Variants in NEB observed in about 807,000 individuals in gnomAD.
The protein encoded by NEB is nebulin, also known as nemaline myopathy type 2.
In NEB, 512 loss-of-function variants were observed where a neutral mutation model predicts 952.2. That is an observed-to-expected ratio of 0.54 (90% CI 0.50 to 0.58). The LOEUF is 0.58. Among genes scored for constraint, NEB ranks in the 20% least tolerant of loss-of-function variants. The pLI is 0.00. For missense variants in NEB, 8,428 were observed against 9,231.1 expected (o/e 0.91, Z 3.56); for synonymous variants, 2,900 against 3,149.8 (o/e 0.92, Z 2.66).
chr2:151,634,105 T>A lies in NEB; in HGVS notation c.9103-140A>T, dbSNP rs2098714615. 18 of 1,000,004 alleles carry A rather than the reference T, an allele frequency of 1.8e-5. No homozygotes were observed. In the South Asian group the frequency reaches 2.4e-4, roughly 13 times the overall value. The allele number at this position is 1,000,004 out of a possible 1,614,324, so 61.9% of individuals were successfully genotyped here. ...ACTCAAGCCAGTATCCTGGCTTTCA[T>A]CCTGGAAGCCCTTACAGAGGTAGAA... On this transcript the variant is annotated intron_variant, in intron 64 of 181. Transcript: ENST00000397345.
At chr2:151,698,027 T>C (rs1559380832) in intron 13 of NEB, among the ~76,000 whole-genome samples, 2 of 151,950 alleles carry the variant, frequency 1.3e-5, no homozygotes, top group East Asian at 1.9e-4. Context: ...GATGGCGCCA[T>C]TGCACTCCAG....
chr2:151,616,547 A>T (rs1340046067), intron 75 of NEB, among the ~76,000 whole-genome samples: 1 of 152,170 alleles, frequency 6.6e-6, no homozygotes, highest in African/African-American at 2.4e-5. Flanking sequence ...TACAATAATT[A>T]ACTGGGCATG....
At position 151,710,579 on chromosome 2, in the gene NEB, G is replaced by A. The variant is rs754270019; in HGVS notation, c.823-41C>T. The A allele has an allele frequency of 6.5e-6, 8 of 1,225,976 alleles. No individual in the cohort carries two copies. The South Asian group carries it at 1.2e-4, about 18-fold the overall frequency. The allele number at this position is 1,225,976 out of a possible 1,614,324, so 75.9% of individuals were successfully genotyped here. A position where few individuals can be genotyped will look rare whatever the true frequency, so the allele number is the denominator to read the frequency against. On this transcript the variant is annotated intron_variant, in intron 10 of 181. Transcript: ENST00000397345. ...AGAAAATAAGACAAGCATAACTCAT[G>A]AATTGACAAATAAGACAGCAAATTA...
intron 109 of NEB, 25 bp downstream of exon 109, chr2:151,570,056 T>C (rs1422264937): frequency 6.3e-7 from 1 of 1,581,376 alleles, no homozygotes. Flanking sequence ...AGAAAAGAGT[T>C]CAACCCCAAA....
chr2:151,493,996 C>T, intron 174 of NEB, 129 bp from the exon 175 acceptor site: 1 of 892,036 alleles, frequency 1.1e-6, no homozygotes, highest in South Asian at 1.7e-5. Flanking sequence ...AAGAAGAAAG[C>T]TTAAAAATAG....
intron 181 of NEB, 91 bp downstream of exon 181, chr2:151,489,879 TA>T (rs1013234237): frequency 3.0e-5 from 28 of 944,292 alleles, no homozygotes; most frequent in Admixed American, 1.0e-4. Context: ...AAGGTTTGGT[TA>T]AAAAAAACCG....
chr2:151,707,304 G>A (rs913710866), intron 12 of NEB, among the ~76,000 whole-genome samples: 1 of 152,156 alleles, frequency 6.6e-6, no homozygotes, highest in Admixed American at 6.5e-5. Context: ...GAGAGATACA[G>A]AAATAATAGG....
At chr2:151,687,034 A>T (rs999107847) in intron 27 of NEB, among the ~76,000 whole-genome samples, 3 of 152,212 alleles carry the variant, frequency 2.0e-5, no homozygotes, top group Non-Finnish European at 4.4e-5. Context: ...CTCTATTAAG[A>T]TTTTTGTGAC....
rs963050063 is a variant in NEB at position 151,558,432 on chromosome 2, C to T, written c.19314+2160G>A. 5.3e-5 allele frequency among the ~76,000 whole-genome samples: 8 copies of T among 152,148 alleles called. No individual in the cohort carries two copies. In the East Asian group the frequency reaches 1.5e-3, roughly 29 times the overall value. The stretch of plus-strand genomic sequence containing the variant: ...GAAGACTCAATATCGTGAAAATAGC[C>T]ATACTGCCCAAGGTAATCTATAGAT... On this transcript the variant is annotated intron_variant, in intron 124 of 181. Coordinates refer to ENST00000397345, the MANE Select transcript of NEB (RefSeq NM_001164508.2).
intron 47 of NEB, among the ~76,000 whole-genome samples, chr2:151,658,495 A>T (rs537470113): frequency 6.4e-4 from 96 of 150,198 alleles, no homozygotes; most frequent in African/African-American, 1.1e-3. Flanking sequence ...ATCTACAATT[A>T]AAAAAAAAGG....
In NEB at chr2:151,610,011, C is replaced by G; in HGVS notation, c.12128G>C (p.Ser4043Thr). Residue 4043 changes from serine (S) to threonine (T), a missense_variant, in exon 81 of 182, where the codon AGT (serine) becomes ACT (threonine). This residue lies in a region of NEB where 337 missense variants were observed against 297.5 expected (regional missense o/e 1.13). Coordinates refer to ENST00000397345, the MANE Select transcript of NEB (RefSeq NM_001164508.2). ...MCAIHAGKIQ[S>T]EREYKKEFQK... ...GAATTCCTTCTTGTACTCCCTTTCA[C>G]TTTGAATTTTTCCTGCATGTATGGC... 3.7e-6 allele frequency: 6 copies of G among 1,613,890 alleles called. No individual in the cohort carries two copies. The highest frequency in any genetic ancestry group is 5.1e-6 in the Non-Finnish European group (6 of 1,179,858).
intron 72 of NEB, among the ~76,000 whole-genome samples, 167 bp downstream of exon 72, chr2:151,620,752 C>G (rs561682763): frequency 2.6e-5 from 4 of 152,272 alleles, no homozygotes; most frequent in African/African-American, 9.6e-5. Context: ...CTAGGCTATG[C>G]CTCTGTGATG....
At position 151,643,914 on chromosome 2, in the gene NEB, G is replaced by T; in HGVS notation, c.7860C>A (p.Ser2620Arg). The T allele has an allele frequency of 6.2e-7, 1 of 1,613,896 alleles. No homozygotes were observed. Among genetic ancestry groups the T allele is most frequent in the Non-Finnish European group, 8.5e-7 (1 of 1,179,826 alleles). The change falls in exon 57 of 182, where the codon AGC (serine) becomes AGA (arginine). Residue 2620 changes from serine (S) to arginine (R), a missense_variant. By Grantham distance (110) the Ser-to-Arg change is moderately radical (BLOSUM62 -1). Around this residue, in one of 11 missense-constraint regions of NEB, gnomAD observed 1,772 missense variants for 1,960.3 expected, o/e 0.90. Transcript: ENST00000397345. The part of the protein sequence containing the change: ...VLAKKCQTLV[S>R]DVDYKNYLHQ... Reference sequence around the variant, plus strand: ...GCAGGTAGTTCTTGTAGTCCACGTCGCTGACTAAGGTCTGGCACTTCTTGG... The same window carrying T: ...GCAGGTAGTTCTTGTAGTCCACGTCTCTGACTAAGGTCTGGCACTTCTTGG...
At chr2:151,653,646 A>C (rs1259401567) in intron 52 of NEB, among the ~76,000 whole-genome samples, 1 of 152,210 alleles carries the variant, frequency 6.6e-6, no homozygotes, top group Non-Finnish European at 1.5e-5. Flanking sequence ...ATCATCTGGC[A>C]CTTTGAATTT....
intron 60 of NEB, 80 bp downstream of exon 60, chr2:151,642,494 C>T: frequency 3.3e-6 from 4 of 1,201,220 alleles, no homozygotes; most frequent in South Asian, 2.9e-5. Context: ...TCATGGCTTA[C>T]TTGTGCCACT....
intron 55 of NEB, 95 bp from the exon 56 acceptor site, chr2:151,644,670 A>T: frequency 9.8e-7 from 1 of 1,016,392 alleles, no homozygotes; most frequent in Non-Finnish European, 1.5e-6. Flanking sequence ...AGTCCATGAG[A>T]ATAGCATCTG....
At chr2:151,670,855 T>C (rs2099277229) in intron 38 of NEB, among the ~76,000 whole-genome samples, 168 bp downstream of exon 38, 1 of 152,232 alleles carries the variant, frequency 6.6e-6, no homozygotes, top group Admixed American at 6.5e-5. Context: ...TTTTCCCATG[T>C]TCAAGATCCC....
In NEB at chr2:151,709,736, T is replaced by A. The variant is rs1269690979; in HGVS notation, c.955A>T (p.Met319Leu). 6.2e-7 allele frequency: 1 copy of A among 1,603,890 alleles called. No individual in the cohort carries two copies. The highest frequency in any genetic ancestry group is 1.3e-5 in the African/African-American group (1 of 74,864). The stretch of plus-strand genomic sequence containing the variant: ...TGCATGAAGTAGATCTGGTCTTTCA[T>A]GTTTTCAAAATCTTCCTGGTATTTC... The part of the protein sequence containing the change: ...TRKYQEDFEN[M>L]KDQIYFMQTE... The change falls in exon 12 of 182, where the codon ATG (methionine) becomes TTG (leucine). Residue 319 changes from methionine (M) to leucine (L), a missense_variant. By Grantham distance (15) the Met-to-Leu change is conservative. Coordinates refer to ENST00000397345, the MANE Select transcript of NEB (RefSeq NM_001164508.2).
At chr2:151,657,873 G>A (rs2099103740) in intron 48 of NEB, 110 bp downstream of exon 48, 6 of 767,158 alleles carry the variant, frequency 7.8e-6, no homozygotes, top group East Asian at 2.7e-5. Flanking sequence ...CACAGAGAGT[G>A]AGACCCACTG....
Sources: allele counts gnomAD v4.1 joint callset (sites outside exome capture counted in the v4.1 genomes callset), GRCh38; gene constraint gnomAD v4.1.1; regional missense constraint gnomAD v4.1.1; transcripts MANE v1.5; gene names NCBI Gene and HGNC (gene_info 2026-07-23, HGNC 2026-07-21).